RHOT2: variants seen among roughly 807,000 people sequenced by gnomAD.
RHOT2 encodes the protein mitochondrial Rho GTPase 2.
In RHOT2, 90 loss-of-function variants were observed where a neutral mutation model predicts 81.6. The observed-to-expected ratio is 1.10, with a 90% confidence interval of 0.93 to 1.31. The LOEUF is 1.31. Ranked by LOEUF, RHOT2 falls within the 40% of genes most tolerant of loss-of-function variation. The pLI, the probability that RHOT2 is intolerant of heterozygous loss-of-function variation, is 0.00. For missense variants in RHOT2, 1,014 were observed against 841.9 expected, an observed-to-expected ratio of 1.20 and a Z score of -2.53; for synonymous variants, 512 against 370.9, an observed-to-expected ratio of 1.38 and a Z score of -4.37.
Position 670,290 on chromosome 16 carries a change from C to A in RHOT2, c.371C>A (p.Ser124Ter). 1 of 1,612,734 alleles carries A rather than the reference C, an allele frequency of 6.2e-7. No homozygotes were observed. Among genetic ancestry groups the A allele is most frequent in the South Asian group, 1.1e-5 (1 of 91,040 alleles). ...GTGGGCAACAAGTCAGACCTGCGGT[C>A]GGGGAGCTCCATGGAGGCCGTGCTC... is the stretch of plus-strand genomic sequence containing the variant. ...ILVGNKSDLR[S>*]GSSMEAVLPI... The change falls in exon 7 of 19, where the codon TCG (serine) becomes TAG (stop). Residue 124 changes from serine to a stop codon, truncating the protein, a stop_gained. Coordinates refer to ENST00000315082, the MANE Select transcript of RHOT2 (RefSeq NM_138769.3). LOFTEE classifies it high-confidence loss of function.
intron 4 of RHOT2, chr16:668,978 G>A (rs1228084460): frequency 1.9e-6 from 1 of 517,804 alleles, no homozygotes; most frequent in Non-Finnish European, 3.4e-6. Flanking sequence ...TGGGCTCTGT[G>A]TGCGCCACGT....
chr16:670,034 T>A, intron 5 of RHOT2, 89 bp from the exon 6 acceptor site: 1 of 1,304,264 alleles, frequency 7.7e-7, no homozygotes, highest in Non-Finnish European at 1.1e-6. Flanking sequence ...GACCTCCCCC[T>A]TCTGCTCTCC....
In RHOT2 at chr16:673,234, A is replaced by C. The variant is rs111608163; in HGVS notation, c.1730+104A>C. On this transcript the variant is annotated intron_variant, in intron 18 of 18. Transcript: ENST00000315082. ...GAACTGGGGACTAGCAGTGTCTGTC[A>C]TCCGAGCAGTGGGCAGCAGTGGCGT... The C allele has an allele frequency of 3.0e-5, 41 of 1,375,590 alleles. 2 individuals carry two copies. In the African/African-American group the frequency reaches 3.3e-4, roughly 11 times the overall value. 85.2% of individuals were successfully genotyped at this position (1,375,590 alleles called of 1,614,324 possible). A position where few individuals can be genotyped will look rare whatever the true frequency, so the allele number is the denominator to read the frequency against.
rs2151464469 is a variant in RHOT2 at position 670,476 on chromosome 16, G to A, written c.459G>A (p.Arg153=). The part of the protein sequence containing the change: ...TCVECSAKNL[R]NISELFYYAQ... ...CCCAGTGTTCGGCCAAGAACCTGAG[G>A]AACATCTCAGAGCTGTTCTACTACG... Residue 153 remains arginine, a synonymous_variant, in exon 8 of 19, where the codon AGG becomes AGA. Transcript: ENST00000315082. The A allele has an allele frequency of 5.0e-6, 8 of 1,607,316 alleles. No homozygotes were observed. The South Asian group carries it at 5.5e-5, about 11-fold the overall frequency.
At position 671,890 on chromosome 16, in the gene RHOT2, C is replaced by G; in HGVS notation, c.985C>G (p.Leu329Val). ...DRDGALSPVE[L>V]QSLFSVFPAA... ...CGACGGCGCCCTCTCGCCCGTGGAGCTGCAAAGCCTTTTCAGTGTGTTCCC... is the reference window on the plus strand; with the variant it reads ...CGACGGCGCCCTCTCGCCCGTGGAGGTGCAAAGCCTTTTCAGTGTGTTCCC... Residue 329 changes from leucine to valine, a missense_variant, in exon 13 of 19, where the codon CTG (leucine) becomes GTG (valine). Coordinates refer to ENST00000315082, the MANE Select transcript of RHOT2 (RefSeq NM_138769.3). 1 of 1,611,836 alleles carries G rather than the reference C, an allele frequency of 6.2e-7. No individual in the cohort carries two copies. The highest frequency in any genetic ancestry group is 8.5e-7 in the Non-Finnish European group (1 of 1,179,686).
chr16:671,906 G>A lies in RHOT2; in HGVS notation c.1001G>A (p.Ser334Asn), dbSNP rs768577584. 25 of 1,606,888 alleles carry A rather than the reference G, an allele frequency of 1.6e-5. No individual in the cohort carries two copies. In the South Asian group the frequency reaches 2.1e-4, roughly 13 times the overall value. ...CCCGTGGAGCTGCAAAGCCTTTTCA[G>A]TGTGTTCCCAGCAGCGCCCTGGGGC... The part of the protein sequence containing the change: ...LSPVELQSLF[S>N]VFPAAPWGPE... Residue 334 changes from serine to asparagine, a missense_variant, in exon 13 of 19, where the codon AGT (serine) becomes AAT (asparagine). Ser to Asn is a conservative substitution (Grantham distance 46, BLOSUM62 1). Transcript: ENST00000315082.
chr16:671,015 C>T lies in RHOT2; in HGVS notation c.748+15C>T. 6.2e-7 allele frequency: 1 copy of T among 1,600,724 alleles called. No homozygotes were observed. Among genetic ancestry groups the T allele is most frequent in the Non-Finnish European group, 8.5e-7 (1 of 1,175,358 alleles). ...GACCCTGGATGGTGAGGCCGGGTGC[C>T]CGCCTGTGCCTGGGGAGTGTGGGGA... On this transcript the variant is annotated intron_variant, in intron 10 of 18. Coordinates refer to ENST00000315082, the MANE Select transcript of RHOT2 (RefSeq NM_138769.3).
chr16:669,705 C>CATTTTGGG, intron 5 of RHOT2, 99 bp downstream of exon 5: 2 of 1,242,422 alleles, frequency 1.6e-6, no homozygotes, highest in South Asian at 2.4e-5. Flanking sequence ...TCGCTCACAG[C>CATTTTGGG]ATTTTGGGGA....
intron 15 of RHOT2, 49 bp from the exon 16 acceptor site, chr16:672,440 A>G (rs1276154112): frequency 5.6e-6 from 9 of 1,610,280 alleles, no homozygotes; most frequent in Non-Finnish European, 7.6e-6. Context: ...GGGCAGGGCA[A>G]TCTGGGGGGC....
At position 670,319 on chromosome 16, in the gene RHOT2, A is replaced by G. The variant is rs778572194; in HGVS notation, c.400A>G (p.Ile134Val). Residue 134 changes from isoleucine (I) to valine (V), a missense_variant, in exon 7 of 19, where the codon ATC becomes GTC. Coordinates refer to ENST00000315082, the MANE Select transcript of RHOT2 (RefSeq NM_138769.3). ...SGSSMEAVLP[I>V]MSQFPEIETC... The stretch of plus-strand genomic sequence containing the variant: ...GAGCTCCATGGAGGCCGTGCTCCCC[A>G]TCATGAGCCAGTTTCCCGAGATTGA... 9 of 1,612,746 alleles carry G rather than the reference A, an allele frequency of 5.6e-6. No homozygotes were observed. The highest frequency in any genetic ancestry group is 6.8e-6 in the Non-Finnish European group (8 of 1,179,968).
At position 672,768 on chromosome 16, in the gene RHOT2, C is replaced by T. The variant is rs1259103867; in HGVS notation, c.1470C>T (p.Cys490=). Residue 490 remains cysteine, a synonymous_variant, in exon 17 of 19, where the codon TGC becomes TGT. Coordinates refer to ENST00000315082, the MANE Select transcript of RHOT2 (RefSeq NM_138769.3). Reference sequence around the variant, plus strand: ...TGGACGCCACCTGTGACGTTGCCTGCTTGATGTTTGATGGCAGTGACCCAA... The same window carrying T: ...TGGACGCCACCTGTGACGTTGCCTGTTTGATGTTTGATGGCAGTGACCCAA... ...TSLDATCDVA[C]LMFDGSDPKS... 1.4e-5 allele frequency: 22 copies of T among 1,612,610 alleles called. No individual in the cohort carries two copies. Among genetic ancestry groups the T allele is most frequent in the Non-Finnish European group, 1.8e-5 (21 of 1,179,994 alleles).
At position 670,131 on chromosome 16, in the gene RHOT2, T is replaced by C; in HGVS notation, c.285T>C (p.Thr95=). 1 of 1,572,580 alleles carries C rather than the reference T, an allele frequency of 6.4e-7. No homozygotes were observed. The highest frequency in any genetic ancestry group is 1.2e-5 in the South Asian group (1 of 86,294). The change falls in exon 6 of 19, where the codon ACT becomes ACC. Residue 95 remains threonine (T), a synonymous_variant. Transcript: ENST00000315082. ...CAGGCTTTGCTTTTCAGATTCGAAC[T>C]AAGTGGATCCCACTGGTGAATGGGG... ...SEEATIEKIR[T]KWIPLVNGGT...
At position 672,297 on chromosome 16, in the gene RHOT2, G is replaced by A. The variant is rs765591212; in HGVS notation, c.1239G>A (p.Gln413=). The A allele has an allele frequency of 2.5e-6, 4 of 1,612,308 alleles. No homozygotes were observed. Among genetic ancestry groups the A allele is most frequent in the Non-Finnish European group, 3.4e-6 (4 of 1,179,684 alleles). The change falls in exon 15 of 19, where the codon CAG becomes CAA. Residue 413 remains glutamine, a synonymous_variant. Transcript: ENST00000315082. The stretch of plus-strand genomic sequence containing the variant: ...TGGACCAGGAGAAGGGACAGACGCA[G>A]CGGAGCGTCCTCCTGTGCAAGGTGG... The part of the protein sequence containing the change: ...KRLDQEKGQT[Q]RSVLLCKVVG...
intron 13 of RHOT2, 34 bp from the exon 14 acceptor site, chr16:672,050 C>T (rs1489984772): frequency 1.9e-6 from 3 of 1,612,190 alleles, no homozygotes; most frequent in African/African-American, 1.3e-5. Context: ...CCCTCCCCAC[C>T]ATAACACTGT....
rs546728283 is a variant in RHOT2 at position 671,018 on chromosome 16, C to T, written c.748+18C>T. The stretch of plus-strand genomic sequence containing the variant: ...CCTGGATGGTGAGGCCGGGTGCCCG[C>T]CTGTGCCTGGGGAGTGTGGGGAGGG... On this transcript the variant is annotated intron_variant, in intron 10 of 18. Coordinates refer to ENST00000315082, the MANE Select transcript of RHOT2 (RefSeq NM_138769.3). 9 of 1,602,352 alleles carry T rather than the reference C, an allele frequency of 5.6e-6. No homozygotes were observed. The East Asian group carries it at 1.8e-4, about 32-fold the overall frequency.
rs80240976 is a variant in RHOT2, at chr16:670,026, C to A, written c.277-97C>A. On this transcript the variant is annotated intron_variant, in intron 5 of 18. Transcript: ENST00000315082. ...GACTTGGGCCCTCAGTGGGCCTTGA[C>A]CTCCCCCTTCTGCTCTCCCCCAGCC... The A allele has an allele frequency of 3.6e-3, 4,295 of 1,202,780 alleles. 66 individuals carry two copies. In the East Asian group the frequency reaches 0.039, roughly 11 times the overall value. 74.5% of individuals were successfully genotyped at this position (1,202,780 alleles called of 1,614,324 possible). A position where few individuals can be genotyped will look rare whatever the true frequency, so the allele number is the denominator to read the frequency against.
Position 668,221 on chromosome 16 carries a change from C to T in RHOT2, c.22C>T (p.Leu8=), listed in dbSNP as rs755200314. The stretch of plus-strand genomic sequence containing the variant: ...AGCTATGAGGCGGGACGTGCGCATC[C>T]TGTTACTGGGCGAGGGTAGGCGCCG... The part of the protein sequence containing the change: MRRDVRI[L]LLGEAQVGKT... The change falls in exon 1 of 19, where the codon CTG becomes TTG. Residue 8 remains leucine, a synonymous_variant. Coordinates refer to ENST00000315082, the MANE Select transcript of RHOT2 (RefSeq NM_138769.3). 3.5e-6 allele frequency: 2 copies of T among 574,858 alleles called. No individual in the cohort carries two copies. The highest frequency in any genetic ancestry group is 1.9e-5 in the African/African-American group (1 of 51,864). 35.6% of individuals were successfully genotyped at this position (574,858 alleles called of 1,614,324 possible).
intron 11 of RHOT2, 103 bp from the exon 12 acceptor site, chr16:671,594 G>T: frequency 2.3e-6 from 3 of 1,297,662 alleles, no homozygotes; most frequent in East Asian, 4.7e-5. Context: ...GGGTCCTGTA[G>T]GGAGGGTCCG....
chr16:668,245 C>G lies in RHOT2; in HGVS notation c.37+9C>G, dbSNP rs752755509. 1.4e-4 allele frequency: 106 copies of G among 743,386 alleles called. No homozygotes were observed. Among genetic ancestry groups the G allele is most frequent in the Non-Finnish European group, 2.0e-4 (104 of 510,086 alleles). 46.0% of individuals were successfully genotyped at this position (743,386 alleles called of 1,614,324 possible). A position where few individuals can be genotyped will look rare whatever the true frequency, so the allele number is the denominator to read the frequency against. The stretch of plus-strand genomic sequence containing the variant: ...CCTGTTACTGGGCGAGGGTAGGCGC[C>G]GGCCCGGGGGTCTCGGAGCTGCGGC... On this transcript the variant is annotated intron_variant, in intron 1 of 18. Transcript: ENST00000315082.
Sources: allele counts gnomAD v4.1 joint callset, GRCh38; gene constraint gnomAD v4.1.1; transcripts MANE v1.5; gene names NCBI Gene and HGNC (gene_info 2026-07-23, HGNC 2026-07-21).